Variants in RYR1 observed in about 807,000 individuals in gnomAD.
The protein encoded by RYR1 is central core disease of muscle.
Under a neutral mutation model 583.5 loss-of-function variants are expected in RYR1, and 342 were observed. That is an observed-to-expected ratio of 0.59 (90% CI 0.54 to 0.64). The LOEUF is 0.64. Among genes scored for constraint, RYR1 ranks in the 30% least tolerant of loss-of-function variants. The pLI is 0.00. For synonymous variants in RYR1, 2,791 were observed against 2,822.5 expected (o/e 0.99, Z 0.35); for missense variants, 6,032 against 6,917.2 (o/e 0.87, Z 4.54).
rs200630616 is a variant in RYR1, at chr19:38,496,433, A to T, written c.6688A>T (p.Thr2230Ser). The T allele has an allele frequency of 6.2e-7, 1 of 1,613,776 alleles. No homozygotes were observed. The highest frequency in any genetic ancestry group is 8.5e-7 in the Non-Finnish European group (1 of 1,180,020). The change falls in exon 41 of 106, where the codon ACA becomes TCA. Residue 2230 changes from threonine (T) to serine (S), a missense_variant. This residue lies in a region of RYR1 where 2,627 missense variants were observed against 2,961.3 expected (regional missense o/e 0.89). Coordinates refer to ENST00000359596, the MANE Select transcript of RYR1 (RefSeq NM_000540.3). This position sits in a 1 kb window ranked among gnomAD's most constrained non-coding sequence, Gnocchi z 4.8. ...GGAGATCCGCTTCCCCAAGATGGTG[A>T]CAAGCTGCTGCCGCTTCCTCTGCTA... ...SKEIRFPKMV[T>S]SCCRFLCYFC...
At chr19:38,525,803 C>A (rs1420254268) in intron 71 of RYR1, among the ~76,000 whole-genome samples, 2 of 151,632 alleles carry the variant, frequency 1.3e-5, no homozygotes, top group East Asian at 1.9e-4. Flanking sequence ...CACTGCCCCC[C>A]CACCGGACCA....
intron 39 of RYR1, 134 bp downstream of exon 39, chr19:38,494,759 C>A: frequency 9.1e-7 from 1 of 1,102,676 alleles, no homozygotes; most frequent in East Asian, 2.5e-5. Flanking sequence ...GCTAGCTCAC[C>A]TCCTGGGTAA....
chr19:38,445,065 T>C (rs1472457993), intron 7 of RYR1, among the ~76,000 whole-genome samples: 2 of 151,554 alleles, frequency 1.3e-5, no homozygotes, highest in Admixed American at 6.6e-5. Context: ...GAGACCAGCC[T>C]GGCCAACATG....
At chr19:38,555,070 C>A (rs1247357935) in intron 89 of RYR1, among the ~76,000 whole-genome samples, 1 of 152,022 alleles carries the variant, frequency 6.6e-6, no homozygotes, top group East Asian at 1.9e-4. Context: ...TCCCACTTCC[C>A]CCACCCCAGC....
chr19:38,470,968 A>G (rs1968391954), intron 27 of RYR1, among the ~76,000 whole-genome samples: 1 of 152,228 alleles, frequency 6.6e-6, no homozygotes, highest in Non-Finnish European at 1.5e-5. Context: ...CCCAAGGCAC[A>G]GCATGCTACA....
chr19:38,517,496 C>A lies in RYR1; in HGVS notation c.9823C>A (p.Pro3275Thr), dbSNP rs1971025356. ...EMPHVIEITL[P>T]MLCSYLPRWW... ...GCCGCATGTCATCGAGATCACGCTG[C>A]CCATGCTATGCAGCTACCTGCCCCG... The change falls in exon 66 of 106, where the codon CCC becomes ACC. Residue 3275 changes from proline (P) to threonine (T), a missense_variant. By Grantham distance (38) the Pro-to-Thr change is conservative. Coordinates refer to ENST00000359596, the MANE Select transcript of RYR1 (RefSeq NM_000540.3). 2 of 1,614,138 alleles carry A rather than the reference C, an allele frequency of 1.2e-6. No homozygotes were observed. Among genetic ancestry groups the A allele is most frequent in the East Asian group, 4.5e-5 (2 of 44,876 alleles).
At chr19:38,519,560 C>A in intron 67 of RYR1, 106 bp downstream of exon 67, 1 of 1,319,702 alleles carries the variant, frequency 7.6e-7, no homozygotes, top group Non-Finnish European at 1.1e-6. Flanking sequence ...TTCCAATGCT[C>A]TGGCCCCACC....
intron 34 of RYR1, among the ~76,000 whole-genome samples, chr19:38,488,458 C>T (rs1041648799): frequency 2.6e-5 from 4 of 152,134 alleles, no homozygotes; most frequent in East Asian, 3.9e-4. Context: ...TCTTCCCTTT[C>T]GTCTACTCCC....
intron 34 of RYR1, among the ~76,000 whole-genome samples, chr19:38,487,951 TA>T (rs1374554523): frequency 2.0e-5 from 3 of 152,200 alleles, no homozygotes; most frequent in African/African-American, 7.2e-5. Flanking sequence ...TTTTATTTAT[TA>T]TTTTTAATTT....
Position 38,565,194 on chromosome 19 carries a change from C to G in RYR1, c.12860C>G (p.Ala4287Gly), listed in dbSNP as rs1973341591. The part of the protein sequence containing the change: ...EGAAGLEGTA[A>G]TAAAGATARV... ...GCGGCGGGGCTCGAGGGCACGGCGG[C>G]CACGGCGGCGGCGGGGGCGACGGCG... The change falls in exon 91 of 106, where the codon GCC (alanine) becomes GGC (glycine). Residue 4287 changes from alanine (A) to glycine (G), a missense_variant. Physicochemically the swap from Ala to Gly is moderately conservative, Grantham distance 60 (BLOSUM62 0). Around this residue, in one of 11 missense-constraint regions of RYR1, gnomAD observed 753 missense variants for 759.6 expected, o/e 0.99. Transcript: ENST00000359596. The surrounding 1 kb of genome is among the most constrained non-coding windows in gnomAD (Gnocchi z 4.7). The G allele has an allele frequency of 1.9e-5, 20 of 1,047,512 alleles. No homozygotes were observed. The highest frequency in any genetic ancestry group is 8.8e-5 in the South Asian group (2 of 22,686). The allele number at this position is 1,047,512 out of a possible 1,614,324, so 64.9% of individuals were successfully genotyped here.
intron 28 of RYR1, among the ~76,000 whole-genome samples, chr19:38,474,565 T>C (rs11432921): frequency 2.8e-5 from 2 of 71,752 alleles, no homozygotes; most frequent in Non-Finnish European, 2.9e-5. Context: ...GCCCGGCTCC[T>C]TTTTTTTTTT....
At chr19:38,581,369 G>A (rs890293959) in intron 101 of RYR1, among the ~76,000 whole-genome samples, 20 of 151,676 alleles carry the variant, frequency 1.3e-4, no homozygotes, top group Admixed American at 9.2e-4. Context: ...GAGCCACTGC[G>A]CCCGGCCAAT....
intron 99 of RYR1, among the ~76,000 whole-genome samples, chr19:38,578,513 G>A (rs1268032966): frequency 6.6e-6 from 1 of 152,184 alleles, no homozygotes; most frequent in African/African-American, 2.4e-5. Flanking sequence ...GCAATATAGT[G>A]AGATCCTCTC....
chr19:38,477,613 G>A (rs1968799117), intron 29 of RYR1, 97 bp from the exon 30 acceptor site: 3 of 1,492,744 alleles, frequency 2.0e-6, no homozygotes, highest in Non-Finnish European at 2.8e-6. Context: ...TAAACTCCCA[G>A]AGGACCCAAC....
At chr19:38,493,521 T>A (rs547938029) in intron 38 of RYR1, among the ~76,000 whole-genome samples, 1,563 of 150,354 alleles carry the variant, frequency 0.01, 18 homozygotes, top group South Asian at 0.042. Context: ...TTTTCGTTTT[T>A]TTTTTTTTTT....
intron 30 of RYR1, among the ~76,000 whole-genome samples, chr19:38,478,155 C>A (rs371420079): frequency 4.6e-5 from 7 of 151,904 alleles, no homozygotes; most frequent in African/African-American, 1.2e-4. Context: ...CACCCTTCTC[C>A]TTCTCTGTCA....
At chr19:38,487,666 C>T (rs1969361725) in intron 34 of RYR1, among the ~76,000 whole-genome samples, 1 of 152,214 alleles carries the variant, frequency 6.6e-6, no homozygotes, top group Admixed American at 6.5e-5. Context: ...CAGGGTCTCG[C>T]TCTGTCACCC....
At chr19:38,451,371 C>T (rs1967066652) in intron 11 of RYR1, among the ~76,000 whole-genome samples, 1 of 151,466 alleles carries the variant, frequency 6.6e-6, no homozygotes, top group African/African-American at 2.4e-5. Context: ...CTATCTGGGA[C>T]AGGTTCAATT....
Position 38,561,990 on chromosome 19 carries a change from A to G in RYR1, c.12624+536A>G, listed in dbSNP as rs1225459274. Among the ~76,000 whole-genome samples, 1 of 151,870 alleles carries G rather than the reference A, an allele frequency of 6.6e-6. No individual in the cohort carries two copies. Among genetic ancestry groups the G allele is most frequent in the Non-Finnish European group, 1.5e-5 (1 of 67,962 alleles). ...CACCAGTCATCACGTTTGCCCCCAGATGCCTTCTGAAGTCCTAGCATATGT... is the reference window on the plus strand; with the variant it reads ...CACCAGTCATCACGTTTGCCCCCAGGTGCCTTCTGAAGTCCTAGCATATGT... On this transcript the variant is annotated intron_variant, in intron 90 of 105. Transcript: ENST00000359596. This position sits in a 1 kb window ranked among gnomAD's most constrained non-coding sequence, Gnocchi z 4.8.
Sources: gnomAD v4.1 joint callset for allele counts (sites outside exome capture counted in the v4.1 genomes callset) on GRCh38, gnomAD v4.1.1 for gene constraint, gnomAD v4.1.1 regional missense constraint, Gnocchi (gnomAD v3.1) non-coding constraint, MANE v1.5 for transcripts, NCBI Gene and HGNC (gene_info 2026-07-23, HGNC 2026-07-21) for gene names.